The following SCLT1 variants were observed in gnomAD, a reference collection of about 807,000 sequenced individuals.
SCLT1 encodes the protein sodium channel and clathrin linker 1.
In SCLT1, 78 loss-of-function variants were observed where a neutral mutation model predicts 112.8. That is an observed-to-expected ratio of 0.69 (90% confidence interval 0.58 to 0.83). The LOEUF (loss-of-function observed/expected upper bound fraction) is 0.83, where lower values mean the gene tolerates loss of function less well. Ranked by LOEUF, SCLT1 falls within the 40% of genes least tolerant of loss-of-function variation. The pLI is 0.00. For synonymous variants in SCLT1, 257 were observed against 254.7 expected (o/e 1.01, Z -0.09); for missense variants, 747 against 770.4 (o/e 0.97, Z 0.36).
At position 128,889,993 on chromosome 4, in the gene SCLT1, CA is replaced by C. The variant is rs200811436; in HGVS notation, c.1908+1065del. 1.5e-3 allele frequency among the ~76,000 whole-genome samples: 233 copies of C among 152,150 alleles called. 2 individuals carry two copies. Among genetic ancestry groups the C allele is most frequent in the East Asian group, 0.014 (70 of 5,164 alleles). ...AGCTTATTATATTTCTTATTATGCCCAAAAGCAAAATTAAATGTTATGAAGA... is the reference window on the plus strand; with the variant it reads ...AGCTTATTATATTTCTTATTATGCCCAAAGCAAAATTAAATGTTATGAAGA... On this transcript the variant is annotated intron_variant, in intron 19 of 20. Transcript: ENST00000281142.
intron 1 of SCLT1, among the ~76,000 whole-genome samples, chr4:129,084,172 T>C (rs1382174312): frequency 6.6e-6 from 1 of 152,142 alleles, no homozygotes; most frequent in African/African-American, 2.4e-5. Context: ...AACACTCTAT[T>C]GGAGGTCTAA....
chr4:129,043,668 G>A (rs1747912068), intron 3 of SCLT1, among the ~76,000 whole-genome samples: 1 of 152,062 alleles, frequency 6.6e-6, no homozygotes, highest in Non-Finnish European at 1.5e-5. Flanking sequence ...TTGTGGGATG[G>A]CTAGACTGTG....
chr4:128,976,271 G>A (rs1253878744), intron 9 of SCLT1, among the ~76,000 whole-genome samples: 1 of 152,122 alleles, frequency 6.6e-6, no homozygotes, highest in East Asian at 1.9e-4. Flanking sequence ...GTTTTTCAGA[G>A]TCTCTACAGG....
intron 18 of SCLT1, among the ~76,000 whole-genome samples, chr4:128,907,357 A>G (rs1187602338): frequency 6.6e-6 from 1 of 152,202 alleles, no homozygotes; most frequent in African/African-American, 2.4e-5. Context: ...CAGGTGAGCA[A>G]TGTTGACAGC....
intron 5 of SCLT1, among the ~76,000 whole-genome samples, chr4:129,033,141 C>T (rs184524692): frequency 1.3e-5 from 2 of 152,150 alleles, no homozygotes; most frequent in Non-Finnish European, 1.5e-5. Context: ...CACATATATA[C>T]CACAGAATAC....
chr4:128,874,627 G>GAGTT (rs1166083322), intron 4 of SCLT1: 1 of 152,598 alleles, frequency 6.6e-6, no homozygotes, highest in Non-Finnish European at 1.5e-5. Flanking sequence ...ATAGCTTTGT[G>GAGTT]AGTTAGTTTC....
At chr4:128,899,011 C>T (rs1734035998) in intron 18 of SCLT1, among the ~76,000 whole-genome samples, 1 of 152,156 alleles carries the variant, frequency 6.6e-6, no homozygotes, top group African/African-American at 2.4e-5. Flanking sequence ...ATAACAGGCT[C>T]TGAAATTGAG....
intron 11 of SCLT1, among the ~76,000 whole-genome samples, chr4:128,961,060 T>A (rs562945255): frequency 6.6e-6 from 1 of 152,220 alleles, no homozygotes; most frequent in East Asian, 1.9e-4. Context: ...TTAGGGAATC[T>A]TCGCCACACT....
chr4:128,919,001 CA>C (rs1358849184), intron 18 of SCLT1, among the ~76,000 whole-genome samples: 2 of 152,100 alleles, frequency 1.3e-5, no homozygotes, highest in African/African-American at 4.8e-5. Context: ...ATGCCACTGA[CA>C]GTATTAGGCA....
At chr4:128,951,510 C>T (rs1222461534) in intron 14 of SCLT1, among the ~76,000 whole-genome samples, 1 of 151,890 alleles carries the variant, frequency 6.6e-6, no homozygotes, top group Non-Finnish European at 1.5e-5. Context: ...TTGAAAAATC[C>T]CTGGAAGTCT....
At chr4:128,879,648 G>GTTAA (rs1223565656), downstream of SCLT1, among the ~76,000 whole-genome samples, 1 of 152,186 alleles carries the variant, frequency 6.6e-6, no homozygotes, top group Non-Finnish European at 1.5e-5. Flanking sequence ...AATGCAAAAT[G>GTTAA]TTAGCATGAT....
chr4:128,989,071 C>T (rs1395997923), intron 9 of SCLT1, among the ~76,000 whole-genome samples: 1 of 151,868 alleles, frequency 6.6e-6, no homozygotes, highest in Admixed American at 6.6e-5. Flanking sequence ...GACAGATAAT[C>T]TACATAGAAT....
chr4:128,988,434 T>C (rs537226389), intron 9 of SCLT1, among the ~76,000 whole-genome samples: 152 of 152,064 alleles, frequency 1.0e-3, no homozygotes, highest in South Asian at 8.7e-3. Flanking sequence ...CAATTGGTCA[T>C]AGTATTTGCA....
In SCLT1 at chr4:128,958,135, C is replaced by A. The variant is rs1184369161; in HGVS notation, c.1048-1011G>T. On this transcript the variant is annotated intron_variant, in intron 12 of 20. Transcript: ENST00000281142. ...CTTCTTCAATTAGGCCAAATTGAAT[C>A]CATTTTAAATCAACATGTAAATGGC... Among the ~76,000 whole-genome samples, 6 of 152,270 alleles carry A rather than the reference C, an allele frequency of 3.9e-5. No individual in the cohort carries two copies. In the South Asian group the frequency reaches 6.2e-4, roughly 16 times the overall value.
At chr4:129,065,901 G>A (rs1750441535) in intron 2 of SCLT1, among the ~76,000 whole-genome samples, 2 of 151,926 alleles carry the variant, frequency 1.3e-5, no homozygotes, top group Non-Finnish European at 2.9e-5. Context: ...AATAGCAACA[G>A]ACAAAATTAG....
chr4:128,991,989 CTAA>C (rs1157304636), intron 9 of SCLT1, among the ~76,000 whole-genome samples, 175 bp downstream of exon 9: 1 of 151,672 alleles, frequency 6.6e-6, no homozygotes, highest in African/African-American at 2.4e-5. Flanking sequence ...CAGTTATCTC[CTAA>C]TAATCTTGAT....
chr4:128,889,874 T>C (rs1481254686), intron 19 of SCLT1, among the ~76,000 whole-genome samples: 3 of 152,240 alleles, frequency 2.0e-5, no homozygotes, highest in African/African-American at 7.2e-5. Context: ...CAGAAACTTA[T>C]AGTTCCCATG....
At chr4:129,079,494 C>T (rs1383505887) in intron 2 of SCLT1, among the ~76,000 whole-genome samples, 1 of 152,204 alleles carries the variant, frequency 6.6e-6, no homozygotes, top group African/African-American at 2.4e-5. Flanking sequence ...CCAAAATAAT[C>T]TCCTTTGACT....
At chr4:128,933,720 A>G (rs1392345808) in intron 18 of SCLT1, among the ~76,000 whole-genome samples, 2 of 151,870 alleles carry the variant, frequency 1.3e-5, no homozygotes, top group African/African-American at 4.8e-5. Context: ...GAGTTCATAA[A>G]CTCTTATTTC....
Sources: gnomAD v4.1 joint callset for allele counts (sites outside exome capture counted in the v4.1 genomes callset) on GRCh38, gnomAD v4.1.1 for gene constraint, MANE v1.5 for transcripts, NCBI Gene and HGNC (gene_info 2026-07-23, HGNC 2026-07-21) for gene names.